Variants in SELENOO observed in about 807,000 individuals in gnomAD.
SELENOO encodes selenoprotein O.
A neutral mutation model predicts 58.7 loss-of-function variants in SELENOO; 74 were observed. The observed-to-expected ratio is 1.26, with a 90% CI of 1.04 to 1.53. The LOEUF is 1.53. SELENOO is among the 40% of genes most tolerant of loss of function. The pLI is 0.00. For synonymous variants in SELENOO, 543 were observed against 453.2 expected, an observed-to-expected ratio of 1.20 and a Z score of -2.52; for missense variants, 1,149 against 970.0, an observed-to-expected ratio of 1.18 and a Z score of -2.45.
At chr22:50,215,140 G>C (rs1381748892) in intron 5 of SELENOO, among the ~76,000 whole-genome samples, 1 of 152,154 alleles carries the variant, frequency 6.6e-6, no homozygotes, top group African/African-American at 2.4e-5. Flanking sequence ...GTTTTCCAGA[G>C]TCAGGGGGAG....
In SELENOO at chr22:50,210,904, T is replaced by G. The variant is rs771461256; in HGVS notation, c.1344T>G (p.His448Gln). ...ALVSKLLETMHLTGADFTNTF... is the reference protein window; with the variant it reads ...ALVSKLLETMQLTGADFTNTF... ...TGTCCAAGCTCCTGGAGACCATGCA[T>G]CTGACCGGTGAGTGACCCAGCCGTG... The change falls in exon 5 of 9, where the codon CAT becomes CAG. Residue 448 changes from histidine to glutamine, a missense_variant. Physicochemically the swap from His to Gln is conservative, Grantham distance 24 (BLOSUM62 0). Coordinates refer to ENST00000380903, the MANE Select transcript of SELENOO (RefSeq NM_031454.2). The G allele has an allele frequency of 6.2e-7, 1 of 1,614,020 alleles. No homozygotes were observed. The highest frequency in any genetic ancestry group is 1.1e-5 in the South Asian group (1 of 91,082).
intron 5 of SELENOO, among the ~76,000 whole-genome samples, chr22:50,215,346 G>T (rs539404470): frequency 1.3e-5 from 2 of 152,090 alleles, no homozygotes; most frequent in African/African-American, 2.4e-5. Context: ...GGCGGTGGAT[G>T]GGTGGAGGCT....
In SELENOO at chr22:50,201,197, C is replaced by T. The variant is rs546164482; in HGVS notation, c.161C>T (p.Ala54Val). 2 of 1,199,150 alleles carry T rather than the reference C, an allele frequency of 1.7e-6. No homozygotes were observed. Among genetic ancestry groups the T allele is most frequent in the East Asian group, 3.5e-5 (1 of 28,544 alleles). The allele number at this position is 1,199,150 out of a possible 1,614,324, so 74.3% of individuals were successfully genotyped here. A position where few individuals can be genotyped will look rare whatever the true frequency, so the allele number is the denominator to read the frequency against. The change falls in exon 1 of 9, where the codon GCC becomes GTC. Residue 54 changes from alanine to valine, a missense_variant. By Grantham distance (64) the Ala-to-Val change is moderately conservative. Transcript: ENST00000380903. Reference sequence around the variant, plus strand: ...GCGGGGCTGCGCTTCGACAACCGCGCCCTGCGCGCCCTGCCCGTGGAGGCG... The same window carrying T: ...GCGGGGCTGCGCTTCGACAACCGCGTCCTGCGCGCCCTGCCCGTGGAGGCG... ...WLAGLRFDNR[A>V]LRALPVEAPP...
chr22:50,217,307 C>A lies in SELENOO; in HGVS notation c.1948C>A (p.Arg650Ser). 1 of 1,612,742 alleles carries A rather than the reference C, an allele frequency of 6.2e-7. No homozygotes were observed. The highest frequency in any genetic ancestry group is 1.1e-5 in the South Asian group (1 of 91,082). Residue 650 changes from arginine to serine, a missense_variant, in exon 9 of 9, where the codon CGC becomes AGC. Arg to Ser is a moderately radical substitution (Grantham distance 110, BLOSUM62 -1). Transcript: ENST00000380903. ...TEADGADGRQRSYSSKPPLWA... is the reference protein window; with the variant it reads ...TEADGADGRQSSYSSKPPLWA... ...AGCCGACGGGGCGGACGGCAGGCAG[C>A]GCTCCTACAGCAGTAAGCCCCCGCT...
intron 4 of SELENOO, 109 bp from the exon 5 acceptor site, chr22:50,210,522 A>C: frequency 5.3e-6 from 8 of 1,518,592 alleles, no homozygotes; most frequent in South Asian, 1.2e-5. Context: ...AGGGCCAGAG[A>C]GCCACGGCCA....
chr22:50,202,646 T>G (rs1035109058), intron 1 of SELENOO, among the ~76,000 whole-genome samples: 1 of 152,322 alleles, frequency 6.6e-6, no homozygotes, highest in African/African-American at 2.4e-5. Context: ...ATTTTAAAGT[T>G]AAAAAGACAA....
chr22:50,207,782 C>G (rs899530833), intron 2 of SELENOO, among the ~76,000 whole-genome samples: 2 of 127,964 alleles, frequency 1.6e-5, no homozygotes, highest in Non-Finnish European at 3.3e-5. Flanking sequence ...GGCAGTCACC[C>G]TGGGGGACGG....
At chr22:50,215,569 G>C (rs1426352940) in intron 5 of SELENOO, 148 bp from the exon 6 acceptor site, 1 of 602,434 alleles carries the variant, frequency 1.7e-6, no homozygotes, top group Non-Finnish European at 2.9e-6. Flanking sequence ...GTGTGGATCC[G>C]TGCTGGCGGT....
Position 50,216,712 on chromosome 22 carries a change from G to A in SELENOO, c.1524G>A (p.Met508Ile). The A allele has an allele frequency of 6.3e-7, 1 of 1,598,084 alleles. No individual in the cohort carries two copies. Residue 508 changes from methionine (M) to isoleucine (I), a missense_variant, in exon 7 of 9, where the codon ATG (methionine) becomes ATA (isoleucine). Met to Ile is a conservative substitution (Grantham distance 10). Transcript: ENST00000380903. Reference protein sequence around the residue: ...MDPRQLSMMLMLAQSNPQLFA... With the variant: ...MDPRQLSMMLILAQSNPQLFA... ...ACAGGCAGCTATCCATGATGCTGAT[G>A]CTGGCGCAGTCAAACCCGCAGCTGT...
At chr22:50,215,566 T>G in intron 5 of SELENOO, 151 bp from the exon 6 acceptor site, 1 of 555,370 alleles carries the variant, frequency 1.8e-6, no homozygotes, top group Non-Finnish European at 3.1e-6. Flanking sequence ...AGCGTGTGGA[T>G]CCGTGCTGGC....
intron 2 of SELENOO, among the ~76,000 whole-genome samples, chr22:50,207,681 G>A (rs567636200): frequency 6.7e-6 from 1 of 149,952 alleles, no homozygotes; most frequent in South Asian, 2.2e-4. Context: ...TGTGCACACA[G>A]CATCCCTGCC....
chr22:50,213,142 C>T (rs1208816957), intron 5 of SELENOO, among the ~76,000 whole-genome samples: 1 of 152,012 alleles, frequency 6.6e-6, no homozygotes, highest in Non-Finnish European at 1.5e-5. Context: ...CTCACTGCAA[C>T]CTCCGCCTCC....
Position 50,206,446 on chromosome 22 carries a change from C to T in SELENOO, c.684C>T (p.Arg228=), listed in dbSNP as rs757995100. Residue 228 remains arginine (R), a synonymous_variant, in exon 2 of 9, where the codon CGC becomes CGT. Coordinates refer to ENST00000380903, the MANE Select transcript of SELENOO (RefSeq NM_031454.2). The part of the protein sequence containing the change: ...ACVTSESTVV[R]DVFYDGNPKY... The stretch of plus-strand genomic sequence containing the variant: ...TCACGTCCGAGTCCACGGTGGTGCG[C>T]GACGTGTTCTATGATGGTAATCCCA... The T allele has an allele frequency of 3.9e-5, 63 of 1,614,036 alleles. No individual in the cohort carries two copies. The highest frequency in any genetic ancestry group is 1.2e-4 in the African/African-American group (9 of 74,926).
At chr22:50,211,994 C>T (rs1450038128) in intron 5 of SELENOO, among the ~76,000 whole-genome samples, 1 of 152,234 alleles carries the variant, frequency 6.6e-6, no homozygotes, top group Non-Finnish European at 1.5e-5. Context: ...TGAGCCACCG[C>T]ACCCAGCCAT....
Position 50,217,205 on chromosome 22 carries a change from G to T in SELENOO, c.1846G>T (p.Val616Leu). The change falls in exon 9 of 9, where the codon GTG (valine) becomes TTG (leucine). Residue 616 changes from valine to leucine, a missense_variant and splice_region_variant. Transcript: ENST00000380903. ...CCCTCTCACCCTCCTGATCCTCCAG[G>T]TGCGGCGGGTGCTGAAACTACTGGA... ...EAAERGDFSE[V>L]RRVLKLLETP... 1 of 1,610,380 alleles carries T rather than the reference G, an allele frequency of 6.2e-7. No homozygotes were observed. The highest frequency in any genetic ancestry group is 8.5e-7 in the Non-Finnish European group (1 of 1,178,206).
In SELENOO at chr22:50,210,819, A is replaced by G. The variant is rs750444296; in HGVS notation, c.1259A>G (p.Gln420Arg). The part of the protein sequence containing the change: ...FDAEFQRHYL[Q>R]KMRRKLGLVQ... ...GCCGAGTTCCAAAGGCACTACCTGC[A>G]GAAGATGCGCAGGAAGCTGGGCCTC... The change falls in exon 5 of 9, where the codon CAG becomes CGG. Residue 420 changes from glutamine (Q) to arginine (R), a missense_variant. Transcript: ENST00000380903. The G allele has an allele frequency of 1.1e-5, 18 of 1,614,106 alleles. No individual in the cohort carries two copies. The South Asian group carries it at 1.6e-4, about 15-fold the overall frequency.
Position 50,217,360 on chromosome 22 carries a change from A to G in SELENOO, c.2001A>G (p.Sec667Trp). 1 of 1,612,634 alleles carries G rather than the reference A, an allele frequency of 6.2e-7. No individual in the cohort carries two copies. The highest frequency in any genetic ancestry group is 8.5e-7 in the Non-Finnish European group (1 of 1,179,876). The change falls in exon 9 of 9, where the codon TGA becomes TGG. Residue 667 changes from selenocysteine (U) to tryptophan (W), a missense_variant. Transcript: ENST00000380903. ...GGGCAGCAGAACTGTGCGTGACATG[A>G]TCTTCGTAACGGCCTCGGCACGCTC... is the stretch of plus-strand genomic sequence containing the variant. ...PLWAAELCVTUSS is the reference protein window; with the variant it reads ...PLWAAELCVTWSS
chr22:50,204,605 A>C (rs1458268465), intron 1 of SELENOO, among the ~76,000 whole-genome samples: 1 of 142,506 alleles, frequency 7.0e-6, no homozygotes, highest in Non-Finnish European at 1.5e-5. Context: ...TGGGTGACAG[A>C]GTGAGACCCT....
intron 5 of SELENOO, among the ~76,000 whole-genome samples, chr22:50,214,672 G>A (rs931589974): frequency 2.0e-5 from 3 of 152,180 alleles, no homozygotes; most frequent in Non-Finnish European, 4.4e-5. Context: ...GGCTGAGGTA[G>A]GAGAATTGCT....
Sources: gnomAD v4.1 joint callset for allele counts (sites outside exome capture counted in the v4.1 genomes callset) on GRCh38, gnomAD v4.1.1 for gene constraint, MANE v1.5 for transcripts, NCBI Gene and HGNC (gene_info 2026-07-23, HGNC 2026-07-21) for gene names.